The following CLYBL variants were observed in gnomAD, a reference collection of about 807,000 sequenced individuals.
The protein encoded by CLYBL is citramalyl-CoA lyase, also known as citramalyl-CoA lyase, mitochondrial.
CLYBL carries 31 observed loss-of-function variants against 38.9 expected under a neutral mutation model. The observed-to-expected ratio is 0.80, with a 90% CI of 0.60 to 1.08. The LOEUF (loss-of-function observed/expected upper bound fraction) is 1.08. CLYBL is among the 50% of genes least tolerant of loss of function. The pLI is 0.00. For missense variants in CLYBL, 434 were observed against 411.6 expected (o/e 1.05, Z -0.47); for synonymous variants, 171 against 158.6 (o/e 1.08, Z -0.59).
At chr13:99,794,173 C>G (rs1213528723) in intron 2 of CLYBL, among the ~76,000 whole-genome samples, 5 of 152,206 alleles carry the variant, frequency 3.3e-5, no homozygotes, top group Non-Finnish European at 7.3e-5. Flanking sequence ...GTAATCCCAG[C>G]ACTTTGGGAG....
chr13:99,755,006 T>C (rs1459784461), intron 1 of CLYBL, among the ~76,000 whole-genome samples: 1 of 151,804 alleles, frequency 6.6e-6, no homozygotes, highest in East Asian at 1.9e-4. Flanking sequence ...GACGCCATTC[T>C]CCTGCTTCAA....
intron 1 of CLYBL, among the ~76,000 whole-genome samples, chr13:99,652,398 C>T (rs1215532987): frequency 6.6e-6 from 1 of 152,170 alleles, no homozygotes; most frequent in Non-Finnish European, 1.5e-5. Flanking sequence ...TCTGAGCAAG[C>T]AGGGAAGTTG....
At chr13:99,772,329 AT>A (rs2049413425) in intron 1 of CLYBL, among the ~76,000 whole-genome samples, 1 of 152,278 alleles carries the variant, frequency 6.6e-6, no homozygotes, top group East Asian at 1.9e-4. Flanking sequence ...CCAAAATAAC[AT>A]TTAGTTCATT....
chr13:99,724,262 G>A (rs1270466417), intron 1 of CLYBL, among the ~76,000 whole-genome samples: 1 of 152,182 alleles, frequency 6.6e-6, no homozygotes, highest in East Asian at 1.9e-4. Context: ...TTTCTAAGAA[G>A]TCAATAAAAA....
downstream of CLYBL, chr13:99,894,439 G>C (rs151126350): frequency 6.6e-6 from 1 of 152,206 alleles, no homozygotes; most frequent in Non-Finnish European, 1.5e-5. Context: ...TATCACCCCC[G>C]TTATTAATTC....
chr13:99,690,718 A>C (rs993109394), intron 1 of CLYBL: 8 of 152,336 alleles, frequency 5.3e-5, no homozygotes, highest in South Asian at 2.1e-4. Flanking sequence ...TCAAACTTAC[A>C]TATGAAAATC....
Position 99,772,841 on chromosome 13 carries a change from C to T in CLYBL, c.80C>T (p.Ala27Val), listed in dbSNP as rs2049425425. The T allele has an allele frequency of 7.5e-6, 12 of 1,599,994 alleles. No homozygotes were observed. Among genetic ancestry groups the T allele is most frequent in the Non-Finnish European group, 9.3e-6 (11 of 1,176,758 alleles). The change falls in exon 2 of 9, where the codon GCT becomes GTT. Residue 27 changes from alanine (A) to valine (V), a missense_variant. Ala to Val is a moderately conservative substitution (Grantham distance 64). Coordinates refer to ENST00000339105, the MANE Select transcript of CLYBL (RefSeq NM_206808.5). Reference sequence around the variant, plus strand: ...TCTTGCAGGAAAGCGTCTCTAGCAGCTGATATCCCCAGACTTGGATATAGT... The same window carrying T: ...TCTTGCAGGAAAGCGTCTCTAGCAGTTGATATCCCCAGACTTGGATATAGT... The part of the protein sequence containing the change: ...ALLRLKASLA[A>V]DIPRLGYSSS...
chr13:99,713,668 A>G (rs1331472229), intron 1 of CLYBL, among the ~76,000 whole-genome samples: 1 of 149,674 alleles, frequency 6.7e-6, no homozygotes, highest in Non-Finnish European at 1.5e-5. Flanking sequence ...TAGCTTTTTC[A>G]TGTTCTCTAA....
intron 1 of CLYBL, among the ~76,000 whole-genome samples, chr13:99,750,128 G>A (rs1594158289): frequency 6.6e-6 from 1 of 152,272 alleles, no homozygotes; most frequent in Admixed American, 6.5e-5. Flanking sequence ...ATACAACACA[G>A]AATTTAGTTT....
intron 1 of CLYBL, among the ~76,000 whole-genome samples, chr13:99,637,423 A>C (rs2047034276): frequency 1.3e-5 from 2 of 152,192 alleles, no homozygotes; most frequent in Admixed American, 1.3e-4. Context: ...CTGTCTTGCC[A>C]GTGAAATGTG....
chr13:99,782,112 C>A (rs2049669732), intron 2 of CLYBL, among the ~76,000 whole-genome samples: 1 of 152,038 alleles, frequency 6.6e-6, no homozygotes, highest in African/African-American at 2.4e-5. Context: ...TATCTCAGAT[C>A]TTCCTGGGGT....
chr13:99,808,949 G>T (rs1049244512), intron 2 of CLYBL, among the ~76,000 whole-genome samples: 1 of 151,950 alleles, frequency 6.6e-6, no homozygotes, highest in African/African-American at 2.4e-5. Context: ...GCTCCTTAAG[G>T]CCACAAGCAA....
intron 1 of CLYBL, among the ~76,000 whole-genome samples, chr13:99,738,690 G>A (rs900228476): frequency 3.3e-5 from 5 of 152,116 alleles, no homozygotes; most frequent in African/African-American, 7.2e-5. Flanking sequence ...TGGAAACCCC[G>A]AAAACTTAGG....
At chr13:99,784,711 C>T (rs1304062236) in intron 2 of CLYBL, among the ~76,000 whole-genome samples, 1 of 151,960 alleles carries the variant, frequency 6.6e-6, no homozygotes, top group Non-Finnish European at 1.5e-5. Context: ...GCCTTGGCCT[C>T]CCGAAGTGCT....
At chr13:99,878,358 G>T (rs1211383998) in intron 7 of CLYBL, among the ~76,000 whole-genome samples, 1 of 152,108 alleles carries the variant, frequency 6.6e-6, no homozygotes. Context: ...CTGCATTATT[G>T]GTCTTAGCTA....
chr13:99,902,812 GCTTTTT>G (rs1405015332), intron 8 of CLYBL, among the ~76,000 whole-genome samples: 4 of 152,208 alleles, frequency 2.6e-5, no homozygotes, highest in African/African-American at 9.6e-5. Flanking sequence ...AAGCACTCCA[GCTTTTT>G]CTTTTTATGA....
intron 1 of CLYBL, among the ~76,000 whole-genome samples, chr13:99,679,231 T>C (rs1270754247): frequency 6.8e-6 from 1 of 147,938 alleles, no homozygotes; most frequent in African/African-American, 2.5e-5. Flanking sequence ...GAGGTGGAGG[T>C]TGCAGTAAGC....
chr13:99,802,689 T>C (rs1594192208), intron 2 of CLYBL, among the ~76,000 whole-genome samples: 1 of 152,186 alleles, frequency 6.6e-6, no homozygotes, highest in East Asian at 1.9e-4. Flanking sequence ...GGACTTTAGA[T>C]GGGAGTGTGA....
At chr13:99,879,943 G>A (rs1008634740) in intron 7 of CLYBL, among the ~76,000 whole-genome samples, 1 of 151,910 alleles carries the variant, frequency 6.6e-6, no homozygotes. Context: ...ACTCCTAACA[G>A]TAGTGGTGGC....
Sources: allele counts gnomAD v4.1 joint callset (sites outside exome capture counted in the v4.1 genomes callset), GRCh38; gene constraint gnomAD v4.1.1; transcripts MANE v1.5; gene names NCBI Gene and HGNC (gene_info 2026-07-23, HGNC 2026-07-21).